ROBO1: variants seen among roughly 807,000 people sequenced by gnomAD.
The protein encoded by ROBO1 is roundabout homolog 1.
A neutral mutation model predicts 195.9 loss-of-function variants in ROBO1; 149 were observed. That is an observed-to-expected ratio of 0.76 (90% CI 0.67 to 0.87). The LOEUF is 0.87. Ranked by LOEUF, ROBO1 falls within the 40% of genes least tolerant of loss-of-function variation. ROBO1 has a pLI of 0.00. For missense variants in ROBO1, 1,933 were observed against 2,068.3 expected (o/e 0.93, Z 1.27); for synonymous variants, 816 against 733.2 (o/e 1.11, Z -1.82).
At chr3:78,732,071 G>T (rs530713578) in intron 5 of ROBO1, among the ~76,000 whole-genome samples, 2 of 151,940 alleles carry the variant, frequency 1.3e-5, no homozygotes, top group Admixed American at 6.6e-5. Context: ...GAAAATTAAG[G>T]CTCTGAGAGT....
intron 3 of ROBO1, among the ~76,000 whole-genome samples, chr3:79,112,673 C>T (rs553650424): frequency 3.9e-4 from 59 of 151,486 alleles, no homozygotes; most frequent in Admixed American, 9.2e-4. Flanking sequence ...AACCAAACAC[C>T]GCATGTTCTC....
chr3:79,532,973 T>A (rs1575980690), intron 2 of ROBO1: 1 of 305,984 alleles, frequency 3.3e-6, no homozygotes, highest in African/African-American at 2.2e-5. Context: ...ATAGTTAAAT[T>A]AATCATCTGC....
intron 25 of ROBO1, among the ~76,000 whole-genome samples, chr3:78,629,170 C>T (rs1420265456): frequency 1.3e-5 from 2 of 152,070 alleles, no homozygotes; most frequent in Non-Finnish European, 2.9e-5. Context: ...CCATAAAACC[C>T]CTTCTTCTTA....
chr3:79,526,966 C>A (rs1222200481), intron 2 of ROBO1, among the ~76,000 whole-genome samples: 1 of 152,120 alleles, frequency 6.6e-6, no homozygotes, highest in Non-Finnish European at 1.5e-5. Context: ...GGGTTTATCA[C>A]TATTCCTATA....
At chr3:79,439,298 A>G (rs1346102176) in intron 2 of ROBO1, among the ~76,000 whole-genome samples, 1 of 152,136 alleles carries the variant, frequency 6.6e-6, no homozygotes, top group African/African-American at 2.4e-5. Flanking sequence ...GAGGATGTAT[A>G]CAACAATCTT....
chr3:79,619,034 T>G (rs1944914941), intron 1 of ROBO1, among the ~76,000 whole-genome samples: 1 of 152,186 alleles, frequency 6.6e-6, no homozygotes, highest in Non-Finnish European at 1.5e-5. Flanking sequence ...CACATTCCAT[T>G]GGTGTCTGAT....
intron 2 of ROBO1, among the ~76,000 whole-genome samples, chr3:79,180,686 G>GT: frequency 6.6e-6 from 1 of 152,126 alleles, no homozygotes; most frequent in Non-Finnish European, 1.5e-5. Flanking sequence ...CTGGCACATA[G>GT]TAATAAAAGC....
intron 4 of ROBO1, among the ~76,000 whole-genome samples, chr3:78,877,413 G>A (rs942160682): frequency 2.6e-5 from 4 of 151,264 alleles, no homozygotes; most frequent in African/African-American, 9.7e-5. Flanking sequence ...TCTCTGATAT[G>A]AAATAACAAC....
intron 2 of ROBO1, among the ~76,000 whole-genome samples, chr3:79,205,381 C>G (rs1228081203): frequency 6.6e-6 from 1 of 152,060 alleles, no homozygotes; most frequent in Non-Finnish European, 1.5e-5. Flanking sequence ...GATTTTGGAT[C>G]AAATAATTAA....
In ROBO1 at chr3:78,639,812, C is replaced by G; in HGVS notation, c.2969G>C (p.Cys990Ser). Residue 990 changes from cysteine to serine, a missense_variant, in exon 22 of 31, where the codon TGC (cysteine) becomes TCC (serine). By Grantham distance (112) the Cys-to-Ser change is moderately radical. Around this residue, in one of 3 missense-constraint regions of ROBO1, gnomAD observed 1,737 missense variants for 1,882.5 expected, o/e 0.92. Transcript: ENST00000464233. ...GCCTGCCGTGCAGCAGCTGATGGAG[C>G]AGTCATTGTGGTTGTTGCCAGTATT... ...WPNTGNNHND[C>S]SISCCTAGNG... The G allele has an allele frequency of 1.2e-6, 2 of 1,613,474 alleles. No homozygotes were observed. Among genetic ancestry groups the G allele is most frequent in the South Asian group, 1.1e-5 (1 of 91,052 alleles).
chr3:79,051,824 A>T (rs377524150), intron 3 of ROBO1, among the ~76,000 whole-genome samples: 1 of 152,088 alleles, frequency 6.6e-6, no homozygotes, highest in African/African-American at 2.4e-5. Context: ...TAAATTGTGA[A>T]GATTTCATGG....
chr3:78,719,900 C>G (rs1042974529), intron 5 of ROBO1, among the ~76,000 whole-genome samples: 8 of 152,154 alleles, frequency 5.3e-5, no homozygotes, highest in Admixed American at 4.6e-4. Context: ...GTATACCCAA[C>G]TTAAGGCTAT....
intron 2 of ROBO1, among the ~76,000 whole-genome samples, chr3:79,398,959 CTTTTGAGGG>C (rs2037257159): frequency 6.6e-6 from 1 of 151,664 alleles, no homozygotes; most frequent in Admixed American, 6.6e-5. Context: ...AATTTTCTTC[CTTTTGAGGG>C]CATAAGAGAG....
At chr3:78,786,702 G>A (rs2083846466) in intron 4 of ROBO1, among the ~76,000 whole-genome samples, 1 of 152,086 alleles carries the variant, frequency 6.6e-6, no homozygotes, top group Non-Finnish European at 1.5e-5. Context: ...ATGTTCTCTT[G>A]CCTGCTGCCA....
intron 2 of ROBO1, among the ~76,000 whole-genome samples, chr3:79,538,945 T>G (rs1187970628): frequency 6.6e-6 from 1 of 152,134 alleles, no homozygotes; most frequent in Non-Finnish European, 1.5e-5. Flanking sequence ...TTTCCGTGCA[T>G]AGCAAATAGC....
intron 3 of ROBO1, among the ~76,000 whole-genome samples, chr3:78,944,778 A>G (rs1229461941): frequency 6.6e-6 from 1 of 152,172 alleles, no homozygotes; most frequent in Non-Finnish European, 1.5e-5. Context: ...GAAAGGGGTG[A>G]CAGATGGCAC....
At chr3:78,676,500 G>A (rs1470185017) in intron 10 of ROBO1, among the ~76,000 whole-genome samples, 2 of 152,162 alleles carry the variant, frequency 1.3e-5, no homozygotes, top group African/African-American at 4.8e-5. Context: ...GGAGCTGAAA[G>A]CCAAAGCTCG....
intron 2 of ROBO1, among the ~76,000 whole-genome samples, chr3:79,283,846 C>T (rs2031698732): frequency 2.0e-5 from 3 of 151,476 alleles, no homozygotes; most frequent in African/African-American, 7.3e-5. Context: ...TACAGGCGCC[C>T]GCTACCACGC....
At chr3:79,719,324 A>G (rs1702608765) in intron 1 of ROBO1, among the ~76,000 whole-genome samples, 1 of 152,098 alleles carries the variant, frequency 6.6e-6, no homozygotes, top group African/African-American at 2.4e-5. Flanking sequence ...TTTCCATTAA[A>G]CTTTTATTAA....
Sources: gnomAD v4.1 joint callset for allele counts (sites outside exome capture counted in the v4.1 genomes callset) on GRCh38, gnomAD v4.1.1 for gene constraint, gnomAD v4.1.1 regional missense constraint, MANE v1.5 for transcripts, NCBI Gene and HGNC (gene_info 2026-07-23, HGNC 2026-07-21) for gene names.